The following TGIF1 variants were observed in gnomAD, a reference collection of about 807,000 sequenced individuals.
TGIF1 encodes homeobox protein TGIF1.
TGIF1 carries 4 observed loss-of-function variants against 19.3 expected under a neutral mutation model. That is an observed-to-expected ratio of 0.21 (90% CI 0.10 to 0.47). TGIF1 has a LOEUF of 0.47. TGIF1 is among the 20% of genes least tolerant of loss of function. The pLI is 0.98. For synonymous variants in TGIF1, 122 were observed against 129.3 expected (o/e 0.94, Z 0.38); for missense variants, 275 against 341.4 (o/e 0.81, Z 1.53).
chr18:3,431,361 G>A (rs559726070), intron 2 of TGIF1, among the ~76,000 whole-genome samples: 77 of 152,256 alleles, frequency 5.1e-4, no homozygotes, highest in Non-Finnish European at 9.0e-4. Context: ...GCTTGAACCC[G>A]GGAGGTGGAG....
At position 3,450,226 on chromosome 18, in the gene TGIF1, G is replaced by T. The variant is rs1433314485; in HGVS notation, c.-264G>T. 1.4e-6 allele frequency: 2 copies of T among 1,415,248 alleles called. No homozygotes were observed. Among genetic ancestry groups the T allele is most frequent in the African/African-American group, 1.4e-5 (1 of 69,080 alleles). 87.7% of individuals were successfully genotyped at this position (1,415,248 alleles called of 1,614,324 possible). Reference sequence around the variant, plus strand: ...GGAGCAGGGAACAAAGGAGCGGAGAGGGGAGGGGAGAGAGTTGGGCGAGGG... The same window carrying T: ...GGAGCAGGGAACAAAGGAGCGGAGATGGGAGGGGAGAGAGTTGGGCGAGGG... On this transcript the variant is annotated 5_prime_UTR_variant, in exon 1 of 3. The change creates a new upstream start codon in the 5' untranslated region. Coordinates refer to ENST00000343820, the MANE Select transcript of TGIF1 (RefSeq NM_003244.4).
intron 1 of TGIF1, among the ~76,000 whole-genome samples, chr18:3,450,965 C>T (rs982774078): frequency 5.6e-5 from 8 of 143,890 alleles, no homozygotes; most frequent in Admixed American, 2.8e-4. Context: ...CTCCTAGGCT[C>T]CCCCCGCCCC....
chr18:3,432,123 C>CAAAAAAA, intron 2 of TGIF1, among the ~76,000 whole-genome samples: 1 of 98,026 alleles, frequency 1.0e-5, no homozygotes, highest in Non-Finnish European at 2.0e-5. Context: ...ACAAAACTGT[C>CAAAAAAA]AAAAAAAAAA....
chr18:3,448,461 CTG>C (rs1670422728), upstream of TGIF1: 1 of 991,844 alleles, frequency 1.0e-6, no homozygotes, highest in African/African-American at 1.7e-5. Context: ...CGGGAAGGAA[CTG>C]TGCTCCCGGC....
chr18:3,414,101 T>C (rs2082302346), intron 1 of TGIF1, among the ~76,000 whole-genome samples: 1 of 152,222 alleles, frequency 6.6e-6, no homozygotes, highest in Non-Finnish European at 1.5e-5. Context: ...CACAATCGTA[T>C]CATTTATACA....
In TGIF1 at chr18:3,451,757, C is replaced by A; in HGVS notation, c.16+1252C>A. On this transcript the variant is annotated intron_variant, in intron 1 of 2. Transcript: ENST00000343820. This position sits in a 1 kb window ranked among gnomAD's most constrained non-coding sequence, Gnocchi z 5.4. The stretch of plus-strand genomic sequence containing the variant: ...GTGAAATTAAACTTGAAACTCGGAT[C>A]AACTGGCAGTCGTTGTTGGTAGAAC... 3 of 1,249,574 alleles carry A rather than the reference C, an allele frequency of 2.4e-6. No homozygotes were observed. The highest frequency in any genetic ancestry group is 3.0e-6 in the Non-Finnish European group (3 of 998,152). The allele number at this position is 1,249,574 out of a possible 1,614,324, so 77.4% of individuals were successfully genotyped here. A position where few individuals can be genotyped will look rare whatever the true frequency, so the allele number is the denominator to read the frequency against.
chr18:3,452,459 T>G (rs1598901623), intron 1 of TGIF1: 1 of 1,600,352 alleles, frequency 6.2e-7, no homozygotes, highest in South Asian at 1.1e-5. Context: ...GTTACCCGGG[T>G]TTCTTTCCCC....
intron 1 of TGIF1, among the ~76,000 whole-genome samples, chr18:3,416,947 CAAAA>C (rs889293150): frequency 1.7e-4 from 26 of 151,384 alleles, no homozygotes; most frequent in Non-Finnish European, 5.9e-5. Flanking sequence ...ACAACAACAA[CAAAA>C]AAAAGATTTA....
intron 2 of TGIF1, among the ~76,000 whole-genome samples, chr18:3,428,831 C>T (rs2082509427): frequency 6.6e-6 from 1 of 152,236 alleles, no homozygotes; most frequent in Admixed American, 6.5e-5. Context: ...TGCCTGAGCT[C>T]AGGAGTTCGA....
chr18:3,457,179 A>G lies in TGIF1; in HGVS notation c.244-186A>G, dbSNP rs1331660748. The G allele has an allele frequency of 2.9e-6, 2 of 699,690 alleles. No homozygotes were observed. The highest frequency in any genetic ancestry group is 4.8e-6 in the Non-Finnish European group (2 of 415,346). The allele number at this position is 699,690 out of a possible 1,614,324, so 43.3% of individuals were successfully genotyped here. A position where few individuals can be genotyped will look rare whatever the true frequency, so the allele number is the denominator to read the frequency against. On this transcript the variant is annotated intron_variant, in intron 2 of 2. Coordinates refer to ENST00000343820, the MANE Select transcript of TGIF1 (RefSeq NM_003244.4). This position sits in a 1 kb window ranked among gnomAD's most constrained non-coding sequence, Gnocchi z 4.9. ...TGTATTAGAAACTAGAAGGCTTATG[A>G]CAGGTGGTAGCTTGCTTTCTTGGCG...
chr18:3,445,752 A>AAAAAAAG (rs1568041600), upstream of TGIF1, among the ~76,000 whole-genome samples: 4 of 115,002 alleles, frequency 3.5e-5, no homozygotes, highest in African/African-American at 1.7e-4. Flanking sequence ...AAAAAAAAAA[A>AAAAAAAG]AGAGAAGAAA....
chr18:3,444,356 T>C (rs1257629704), intron 2 of TGIF1, among the ~76,000 whole-genome samples: 1 of 152,014 alleles, frequency 6.6e-6, no homozygotes, highest in African/African-American at 2.4e-5. Flanking sequence ...TGTGAAGGTT[T>C]CTTAAATAAG....
chr18:3,445,765 C>CAAAAAAAA (rs755240649), upstream of TGIF1, among the ~76,000 whole-genome samples: 56 of 35,838 alleles, frequency 1.6e-3, no homozygotes, highest in Middle Eastern at 0.028. Context: ...AGAAGAAAAG[C>CAAAAAAAA]AAAAAAAAAA....
chr18:3,440,015 T>C (rs374200218), intron 2 of TGIF1, among the ~76,000 whole-genome samples: 4 of 150,172 alleles, frequency 2.7e-5, no homozygotes, highest in African/African-American at 9.8e-5. Flanking sequence ...AGGAAGACCC[T>C]GTCTCAAAGA....
In TGIF1 at chr18:3,459,261, A is replaced by G. The variant is rs2049453071; in HGVS notation, c.*1321A>G. 6.6e-6 allele frequency: 1 copy of G among 152,240 alleles called. No individual in the cohort carries two copies. 9.4% of individuals were successfully genotyped at this position (152,240 alleles called of 1,614,324 possible). A position where few individuals can be genotyped will look rare whatever the true frequency, so the allele number is the denominator to read the frequency against. On this transcript the variant is annotated 3_prime_UTR_variant, in exon 3 of 3. Transcript: ENST00000343820. The stretch of plus-strand genomic sequence containing the variant: ...GAGCATCAGAGCTTCAGTATTGTTT[A>G]AAGAATGTAGAAAAATACAAATTTG...
At chr18:3,447,848 A>G (rs2082771461), upstream of TGIF1, 1 of 1,603,228 alleles carries the variant, frequency 6.2e-7, no homozygotes, top group Non-Finnish European at 8.5e-7. Flanking sequence ...AGAGGCTTTC[A>G]ATTGTCTCCG....
chr18:3,430,597 C>G (rs1467781948), intron 2 of TGIF1, among the ~76,000 whole-genome samples: 2 of 151,894 alleles, frequency 1.3e-5, no homozygotes, highest in African/African-American at 4.8e-5. Flanking sequence ...CCACCTGACA[C>G]AGGCTCAAGC....
rs371759253 is a variant in TGIF1 at position 3,457,448 on chromosome 18, A to T, written c.327A>T (p.Thr109=). The part of the protein sequence containing the change: ...RKDGKDPNQF[T]ISRRGAKISE... Reference sequence around the variant, plus strand: ...ATGGCAAAGATCCAAATCAGTTCACAATTTCCCGCCGTGGGGCCAAGATTT... The same window carrying T: ...ATGGCAAAGATCCAAATCAGTTCACTATTTCCCGCCGTGGGGCCAAGATTT... The change falls in exon 3 of 3, where the codon ACA becomes ACT. Residue 109 remains threonine (T), a synonymous_variant. Coordinates refer to ENST00000343820, the MANE Select transcript of TGIF1 (RefSeq NM_003244.4). This position sits in a 1 kb window ranked among gnomAD's most constrained non-coding sequence, Gnocchi z 4.9. 44 of 1,614,098 alleles carry T rather than the reference A, an allele frequency of 2.7e-5. No homozygotes were observed. Among genetic ancestry groups the T allele is most frequent in the Admixed American group, 5.0e-5 (3 of 60,010 alleles).
At chr18:3,438,394 C>T (rs937179870) in intron 2 of TGIF1, among the ~76,000 whole-genome samples, 2 of 152,030 alleles carry the variant, frequency 1.3e-5, no homozygotes, top group African/African-American at 4.8e-5. Context: ...GGAGGACAAG[C>T]ATGCAGATAA....
Sources: gnomAD v4.1 joint callset for allele counts (sites outside exome capture counted in the v4.1 genomes callset) on GRCh38, gnomAD v4.1.1 for gene constraint, Gnocchi (gnomAD v3.1) non-coding constraint, MANE v1.5 for transcripts, NCBI Gene and HGNC (gene_info 2026-07-23, HGNC 2026-07-21) for gene names.